Variants in IL11RA observed in about 807,000 individuals in gnomAD.
IL11RA encodes the protein interleukin 11 receptor subunit alpha.
Under a neutral mutation model 57.0 loss-of-function variants are expected in IL11RA, and 51 were observed. That is an observed-to-expected ratio of 0.89 (90% CI 0.71 to 1.13). The LOEUF (loss-of-function observed/expected upper bound fraction) is 1.13, where lower values mean the gene tolerates loss of function less well. Among genes scored for constraint, IL11RA ranks in the 50% most tolerant of loss-of-function variants. IL11RA has a pLI of 0.00. For missense variants in IL11RA, 498 were observed against 539.4 expected (o/e 0.92, Z 0.76); for synonymous variants, 199 against 217.5 (o/e 0.91, Z 0.75).
chr9:34,652,823 T>G (rs969454099), intron 1 of IL11RA, among the ~76,000 whole-genome samples: 2 of 152,124 alleles, frequency 1.3e-5, no homozygotes, highest in South Asian at 2.1e-4. Context: ...ACACGTGGCT[T>G]CCCCTCCTTC....
At chr9:34,657,010 C>G in intron 4 of IL11RA, 25 bp from the exon 5 acceptor site, 1 of 1,611,680 alleles carries the variant, frequency 6.2e-7, no homozygotes, top group South Asian at 1.1e-5. Context: ...ACTGCTCAGT[C>G]TCCAGGTGTA....
At chr9:34,659,731 G>A (rs1457419774) in intron 8 of IL11RA, 28 bp from the exon 9 acceptor site, 1 of 1,613,984 alleles carries the variant, frequency 6.2e-7, no homozygotes, top group African/African-American at 1.3e-5. Context: ...TTACAAGCTG[G>A]GTAACAGTGA....
At chr9:34,656,940 T>C (rs764791779) in intron 4 of IL11RA, 32 bp downstream of exon 4, 8 of 1,613,588 alleles carry the variant, frequency 5.0e-6, no homozygotes, top group Non-Finnish European at 6.8e-6. Context: ...TGATGACACA[T>C]AGGGATCCTG....
In IL11RA at chr9:34,656,802, A is replaced by G. The variant is rs1323701259; in HGVS notation, c.225A>G (p.Leu75=). The G allele has an allele frequency of 1.2e-6, 2 of 1,614,052 alleles. No individual in the cohort carries two copies. Among genetic ancestry groups the G allele is most frequent in the African/African-American group, 1.3e-5 (1 of 74,920 alleles). Residue 75 remains leucine, a synonymous_variant, in exon 4 of 13, where the codon CTA becomes CTG. Transcript: ENST00000441545. ...TGCTCCAGGGACCTGACTCTGGGCT[A>G]GGGCATGAACTGGTCCTGGCCCAGG... ...PKLLQGPDSG[L]GHELVLAQAD...
intron 11 of IL11RA, 88 bp from the exon 12 acceptor site, chr9:34,660,766 C>T (rs1257587956): frequency 1.5e-6 from 2 of 1,295,900 alleles, no homozygotes; most frequent in Non-Finnish European, 2.2e-6. Context: ...TTAACTGATT[C>T]CTCTCCTGAC....
rs1821419140 is a variant in IL11RA, at chr9:34,659,880, C to T, written c.932C>T (p.Ala311Val). The change falls in exon 9 of 13, where the codon GCC becomes GTC. Residue 311 changes from alanine to valine, a missense_variant. Transcript: ENST00000441545. ...AGTWSTWSPE[A>V]WGTPSTGTIP... is the part of the protein sequence containing the mutation. ...ACCTGGAGCACCTGGAGCCCGGAGGCCTGGGGAACTCCGAGCACTGGTGAG... is the reference window on the plus strand; with the variant it reads ...ACCTGGAGCACCTGGAGCCCGGAGGTCTGGGGAACTCCGAGCACTGGTGAG... 1 of 1,614,020 alleles carries T rather than the reference C, an allele frequency of 6.2e-7. No homozygotes were observed. The highest frequency in any genetic ancestry group is 8.5e-7 in the Non-Finnish European group (1 of 1,179,996).
At chr9:34,655,513 C>T in intron 2 of IL11RA, 92 bp from the exon 3 acceptor site, 15 of 1,178,068 alleles carry the variant, frequency 1.3e-5, no homozygotes, top group Non-Finnish European at 1.9e-5. Flanking sequence ...CCCCCACCAC[C>T]CAGGTTTTAA....
intron 7 of IL11RA, 94 bp downstream of exon 7, chr9:34,657,681 C>A: frequency 3.3e-6 from 4 of 1,226,800 alleles, no homozygotes; most frequent in Non-Finnish European, 4.7e-6. Flanking sequence ...AGTTTCCTCC[C>A]AACCTAGACT....
At chr9:34,655,081 G>A in intron 1 of IL11RA, 137 bp from the exon 2 acceptor site, 2 of 709,990 alleles carry the variant, frequency 2.8e-6, no homozygotes, top group Non-Finnish European at 2.6e-6. Flanking sequence ...GTCAGTTCCC[G>A]CAGTGATTTC....
chr9:34,661,878 A>G lies in IL11RA; in HGVS notation c.*380A>G. 5.7e-6 allele frequency: 9 copies of G among 1,573,604 alleles called. No individual in the cohort carries two copies. Among genetic ancestry groups the G allele is most frequent in the African/African-American group, 4.1e-5 (3 of 73,912 alleles). On this transcript the variant is annotated 3_prime_UTR_variant, in exon 13 of 13. Transcript: ENST00000441545. Reference sequence around the variant, plus strand: ...CAGGTGTGAATAAAGAGAATAAGGAAGTTCTTGGAGATTATACTCAGAAAT... The same window carrying G: ...CAGGTGTGAATAAAGAGAATAAGGAGGTTCTTGGAGATTATACTCAGAAAT...
In IL11RA at chr9:34,653,505, G is replaced by T. The variant is rs1474580882; in HGVS notation, c.-1+1272G>T. 6.6e-6 allele frequency among the ~76,000 whole-genome samples: 1 copy of T among 152,212 alleles called. No individual in the cohort carries two copies. The highest frequency in any genetic ancestry group is 6.5e-5 in the Admixed American group (1 of 15,288). On this transcript the variant is annotated intron_variant, in intron 1 of 12. Coordinates refer to ENST00000441545, the MANE Select transcript of IL11RA (RefSeq NM_001142784.3). This position sits in a 1 kb window ranked among gnomAD's most constrained non-coding sequence, Gnocchi z 4.5. ...CTCCCTTCCCCTGGAAGCACAGCCA[G>T]CTGTACCCTAAGGAAACATTTGGTG...
chr9:34,660,238 G>C (rs1199128248), intron 9 of IL11RA, 36 bp from the exon 10 acceptor site: 2 of 1,613,952 alleles, frequency 1.2e-6, no homozygotes, highest in South Asian at 1.1e-5. Flanking sequence ...GTCCCCACCA[G>C]CGTATGGACA....
chr9:34,654,703 C>G (rs1821308643), intron 1 of IL11RA, among the ~76,000 whole-genome samples: 1 of 152,248 alleles, frequency 6.6e-6, no homozygotes, highest in East Asian at 1.9e-4. Context: ...GGTGGGAGTG[C>G]AGGATGGGCT....
intron 2 of IL11RA, 43 bp from the exon 3 acceptor site, chr9:34,655,562 G>T (rs372249939): frequency 8.6e-5 from 135 of 1,569,834 alleles, no homozygotes; most frequent in Non-Finnish European, 1.1e-4. Context: ...AAAGTGGGGA[G>T]GGGGGTAAAG....
At position 34,658,734 on chromosome 9, in the gene IL11RA, T is replaced by A; in HGVS notation, c.810+51T>A. The A allele has an allele frequency of 6.3e-7, 1 of 1,588,454 alleles. No individual in the cohort carries two copies. Reference sequence around the variant, plus strand: ...CACGGCTGTGGGTCCTGTCTCTGATTTCACGATCCTGGGTGTTCTGTATAG... The same window carrying A: ...CACGGCTGTGGGTCCTGTCTCTGATATCACGATCCTGGGTGTTCTGTATAG... On this transcript the variant is annotated intron_variant, in intron 8 of 12. Coordinates refer to ENST00000441545, the MANE Select transcript of IL11RA (RefSeq NM_001142784.3). The surrounding 1 kb of genome is among the most constrained non-coding windows in gnomAD (Gnocchi z 4.0).
chr9:34,659,993 C>T, intron 9 of IL11RA, 93 bp downstream of exon 9: 1 of 1,486,348 alleles, frequency 6.7e-7, no homozygotes, highest in Non-Finnish European at 9.2e-7. Flanking sequence ...TGGCACATGC[C>T]CTGCCCACAC....
intron 3 of IL11RA, chr9:34,655,949 G>T: frequency 2.1e-6 from 1 of 480,972 alleles, no homozygotes; most frequent in South Asian, 2.1e-5. Flanking sequence ...AAGACAATAA[G>T]CAAAGGAGAA....
Position 34,660,870 on chromosome 9 carries a change from G to A in IL11RA, c.1186G>A (p.Gly396Ser). The A allele has an allele frequency of 6.2e-7, 1 of 1,614,190 alleles. No homozygotes were observed. Among genetic ancestry groups the A allele is most frequent in the Non-Finnish European group, 8.5e-7 (1 of 1,180,018 alleles). ...ATGCCCCAGGCTGAGGCTGAGACGGGGTGGGAAGGATGGATCCCCAAAGCC... is the reference window on the plus strand; with the variant it reads ...ATGCCCCAGGCTGAGGCTGAGACGGAGTGGGAAGGATGGATCCCCAAAGCC... Reference protein sequence around the residue: ...ALGLWLRLRRGGKDGSPKPGF... With the variant: ...ALGLWLRLRRSGKDGSPKPGF... Residue 396 changes from glycine (G) to serine (S), a missense_variant, in exon 12 of 13, where the codon GGT becomes AGT. Physicochemically the swap from Gly to Ser is moderately conservative, Grantham distance 56 (BLOSUM62 0). Coordinates refer to ENST00000441545, the MANE Select transcript of IL11RA (RefSeq NM_001142784.3).
intron 1 of IL11RA, among the ~76,000 whole-genome samples, chr9:34,654,828 C>T (rs991819718): frequency 6.6e-6 from 1 of 152,074 alleles, no homozygotes; most frequent in Non-Finnish European, 1.5e-5. Context: ...AACAGCTGGA[C>T]TGGAGGGGTT....
Sources: gnomAD v4.1 joint callset for allele counts (sites outside exome capture counted in the v4.1 genomes callset) on GRCh38, gnomAD v4.1.1 for gene constraint, Gnocchi (gnomAD v3.1) non-coding constraint, MANE v1.5 for transcripts, NCBI Gene and HGNC (gene_info 2026-07-23, HGNC 2026-07-21) for gene names.